PCDHGA5: variants seen among roughly 807,000 people sequenced by gnomAD.
PCDHGA5 encodes the protein protocadherin gamma-A5.
PCDHGA5 carries 36 observed loss-of-function variants against 56.7 expected under a neutral mutation model. That is an observed-to-expected ratio of 0.64 (90% CI 0.49 to 0.84). The LOEUF is 0.84. PCDHGA5 is among the 40% of genes least tolerant of loss of function. The probability of loss-of-function intolerance (pLI) is 0.00; values close to 1 mark genes in which losing one functional copy is unlikely to be tolerated. For synonymous variants in PCDHGA5, 563 were observed against 520.2 expected (o/e 1.08, Z -1.12); for missense variants, 1,305 against 1,201.5 (o/e 1.09, Z -1.27).
At chr5:141,394,739 C>G (rs377359689) in intron 1 of PCDHGA5, 1 of 1,613,390 alleles carries the variant, frequency 6.2e-7, no homozygotes, top group Non-Finnish European at 8.5e-7. Context: ...AGCAGAGCCT[C>G]GTGGTGGCCG....
chr5:141,489,458 G>A lies in PCDHGA5; in HGVS notation c.2422-5349G>A, dbSNP rs143138320. 3.5e-5 allele frequency: 56 copies of A among 1,614,042 alleles called. No homozygotes were observed. The highest frequency in any genetic ancestry group is 8.0e-5 in the African/African-American group (6 of 75,052). ...CAATTGGGCTCTGAGGAGAATGGGC[G>A]CTATTTTTCCCTGAGCTTGATGAGT... is the stretch of plus-strand genomic sequence containing the variant. On this transcript the variant is annotated intron_variant, in intron 1 of 3. Transcript: ENST00000518069. This position sits in a 1 kb window ranked among gnomAD's most constrained non-coding sequence, Gnocchi z 4.5.
At chr5:141,417,866 G>C (rs1299960512) in intron 1 of PCDHGA5, 1 of 1,552,408 alleles carries the variant, frequency 6.4e-7, no homozygotes, top group African/African-American at 1.4e-5. Context: ...AACGATGGGA[G>C]GGAGCTGCGC....
chr5:141,451,330 T>C (rs1335156581), intron 1 of PCDHGA5, among the ~76,000 whole-genome samples: 2 of 152,200 alleles, frequency 1.3e-5, no homozygotes, highest in East Asian at 1.9e-4. Context: ...CCTAAGGCTA[T>C]TGTCTTATCT....
chr5:141,409,720 A>C (rs2095305667), intron 1 of PCDHGA5: 1 of 1,613,176 alleles, frequency 6.2e-7, no homozygotes, highest in Non-Finnish European at 8.5e-7. Context: ...CATACGTGTC[A>C]GTGAGCGCGC....
intron 1 of PCDHGA5, chr5:141,414,939 C>T (rs773327918): frequency 2.5e-6 from 4 of 1,614,090 alleles, no homozygotes; most frequent in Admixed American, 1.7e-5. Context: ...CCGCAGAGCC[C>T]GGCTACCTGG....
intron 1 of PCDHGA5, among the ~76,000 whole-genome samples, chr5:141,481,668 A>G (rs1051166504): frequency 6.6e-6 from 1 of 152,090 alleles, no homozygotes; most frequent in Admixed American, 6.6e-5. Flanking sequence ...TAATACAAAA[A>G]TCAGGCCGGG....
intron 1 of PCDHGA5, among the ~76,000 whole-genome samples, chr5:141,397,685 G>A (rs1471845356): frequency 6.6e-6 from 1 of 152,218 alleles, no homozygotes; most frequent in Non-Finnish European, 1.5e-5. Flanking sequence ...ATGCAGGTTT[G>A]TATAAAAACC....
chr5:141,477,779 A>C lies in PCDHGA5; in HGVS notation c.2422-17028A>C. ...CCTAGCCACCAACATCAGCGTGAAC[A>C]TATTTGTCACTGATCGCAATGACAA... is the stretch of plus-strand genomic sequence containing the variant. On this transcript the variant is annotated intron_variant, in intron 1 of 3. Transcript: ENST00000518069. The surrounding 1 kb of genome is among the most constrained non-coding windows in gnomAD (Gnocchi z 4.9). 1.2e-6 allele frequency: 2 copies of C among 1,614,012 alleles called. No individual in the cohort carries two copies. Among genetic ancestry groups the C allele is most frequent in the Non-Finnish European group, 1.7e-6 (2 of 1,180,020 alleles).
At position 141,486,090 on chromosome 5, in the gene PCDHGA5, G is replaced by C. The variant is rs190955361; in HGVS notation, c.2422-8717G>C. On this transcript the variant is annotated intron_variant, in intron 1 of 3. Transcript: ENST00000518069. The surrounding 1 kb of genome is among the most constrained non-coding windows in gnomAD (Gnocchi z 5.0). ...ACTACTGGAAAGCTTACTCTTTTGG[G>C]GCCCCTAGACTTTGAGAGTGAGAAT... 4 of 1,614,086 alleles carry C rather than the reference G, an allele frequency of 2.5e-6. No individual in the cohort carries two copies. The Admixed American group carries it at 6.7e-5, about 27-fold the overall frequency.
chr5:141,432,071 AT>A lies in PCDHGA5; in HGVS notation c.2422-62735del. 1 of 1,614,158 alleles carries A rather than the reference AT, an allele frequency of 6.2e-7. No individual in the cohort carries two copies. Among genetic ancestry groups the A allele is most frequent in the Non-Finnish European group, 8.5e-7 (1 of 1,180,032 alleles). ...CCCGCCCCTATCCACGGAAACTCAT[AT>A]CTCGCTGAACGTGGCAGACACCAAC... On this transcript the variant is annotated intron_variant, in intron 1 of 3. Transcript: ENST00000518069. The surrounding 1 kb of genome is among the most constrained non-coding windows in gnomAD (Gnocchi z 6.0).
chr5:141,421,860 C>T (rs759779291), intron 1 of PCDHGA5: 1 of 1,613,750 alleles, frequency 6.2e-7, no homozygotes. Flanking sequence ...CTCACCTGCT[C>T]CTCCTCACAG....
chr5:141,403,832 C>T (rs374600582), intron 1 of PCDHGA5: 1 of 1,613,684 alleles, frequency 6.2e-7, no homozygotes, highest in Non-Finnish European at 8.5e-7. Context: ...GCTATTCCAG[C>T]TTAATGAAAA....
Position 141,422,740 on chromosome 5 carries a change from T to C in PCDHGA5, c.2421+55989T>C, listed in dbSNP as rs536737009. The C allele has an allele frequency of 2.7e-5, 43 of 1,609,962 alleles. 1 individual carries two copies. In the South Asian group the frequency reaches 4.8e-4, roughly 18 times the overall value. On this transcript the variant is annotated intron_variant, in intron 1 of 3. Transcript: ENST00000518069. ...TGTCCAGGGGGTGCCTCTGTCCTCC[T>C]ATGTCTCTATTAACTCCAACACTGG... is the stretch of plus-strand genomic sequence containing the variant.
chr5:141,375,447 C>T, intron 1 of PCDHGA5: 1 of 1,614,018 alleles, frequency 6.2e-7, no homozygotes, highest in Non-Finnish European at 8.5e-7. Flanking sequence ...TTCCCCCATT[C>T]ATCCTACTCA....
chr5:141,393,979 AT>A (rs2092890598), intron 1 of PCDHGA5: 1 of 1,613,732 alleles, frequency 6.2e-7, no homozygotes, highest in South Asian at 1.1e-5. Context: ...ACACGTGATA[AT>A]TTACCTTTTA....
intron 1 of PCDHGA5, chr5:141,374,825 C>T: frequency 1.2e-6 from 2 of 1,613,896 alleles, no homozygotes; most frequent in Non-Finnish European, 1.7e-6. Context: ...GCCTGTCTAC[C>T]GTGTAAGTGT....
intron 1 of PCDHGA5, among the ~76,000 whole-genome samples, chr5:141,369,728 G>A (rs948180332): frequency 2.0e-5 from 3 of 152,180 alleles, no homozygotes; most frequent in Admixed American, 2.0e-4. Context: ...GAAGTTAGAA[G>A]TAAAGGAAAT....
intron 1 of PCDHGA5, among the ~76,000 whole-genome samples, chr5:141,401,889 T>G (rs1259815955): frequency 3.3e-5 from 5 of 152,232 alleles, no homozygotes; most frequent in Non-Finnish European, 7.3e-5. Context: ...TATTTTGTGT[T>G]CTTTTTCCCA....
At chr5:141,501,987 G>A (rs1462571527) in intron 2 of PCDHGA5, among the ~76,000 whole-genome samples, 2 of 152,016 alleles carry the variant, frequency 1.3e-5, no homozygotes, top group Non-Finnish European at 2.9e-5. Flanking sequence ...TGGTCCCGTT[G>A]TCTCCCTGAC....
Sources: allele counts gnomAD v4.1 joint callset (sites outside exome capture counted in the v4.1 genomes callset), GRCh38; gene constraint gnomAD v4.1.1; non-coding constraint Gnocchi (gnomAD v3.1); transcripts MANE v1.5; gene names NCBI Gene and HGNC (gene_info 2026-07-23, HGNC 2026-07-21).